Variants in BORCS8 observed in about 807,000 individuals in gnomAD.
BORCS8 encodes the protein BLOC-1 related complex subunit 8.
A neutral mutation model predicts 18.7 loss-of-function variants in BORCS8; 13 were observed. The observed-to-expected ratio is 0.70, with a 90% confidence interval of 0.45 to 1.11. The LOEUF is 1.11. BORCS8 is among the 50% of genes least tolerant of loss of function. The pLI, the probability that BORCS8 is intolerant of heterozygous loss-of-function variation, is 0.00. For synonymous variants in BORCS8, 68 were observed against 64.8 expected (o/e 1.05, Z -0.24); for missense variants, 165 against 165.7 (o/e 1.00, Z 0.02).
intron 1 of BORCS8, among the ~76,000 whole-genome samples, chr19:19,188,131 GT>G (rs1234996095): frequency 6.6e-6 from 1 of 152,012 alleles, no homozygotes; most frequent in Non-Finnish European, 1.5e-5. Context: ...CTGGGTTCAC[GT>G]CATTCTCCCG....
intron 5 of BORCS8, chr19:19,179,722 T>A (rs1230324287): frequency 6.6e-6 from 1 of 152,620 alleles, no homozygotes; most frequent in Non-Finnish European, 1.5e-5. Context: ...GGCACCACAC[T>A]CTCTAAGCGT....
chr19:19,184,685 A>T (rs1201586711), intron 3 of BORCS8, among the ~76,000 whole-genome samples: 2 of 152,026 alleles, frequency 1.3e-5, no homozygotes, highest in East Asian at 3.9e-4. Context: ...CTGCAGCCTC[A>T]ACCTCCCAGG....
At chr19:19,184,161 G>A (rs140827142) in intron 3 of BORCS8, among the ~76,000 whole-genome samples, 3 of 152,152 alleles carry the variant, frequency 2.0e-5, no homozygotes, top group East Asian at 1.9e-4. Flanking sequence ...GATTACTGGC[G>A]TGAGTCACTG....
In BORCS8 at chr19:19,180,747, G is replaced by A. The variant is rs1410963400; in HGVS notation, c.341C>T (p.Pro114Leu). 5.2e-6 allele frequency: 8 copies of A among 1,549,852 alleles called. No individual in the cohort carries two copies. The highest frequency in any genetic ancestry group is 2.4e-5 in the East Asian group (1 of 40,890). The change falls in exon 5 of 6, where the codon CCC becomes CTC. Residue 114 changes from proline (P) to leucine (L), a missense_variant. Transcript: ENST00000462790. ...CCAGGATCAGGCTGAGGAGGGCGGG[G>A]GTGGTTCCTCCGGGCTGCAACAAAA... is the stretch of plus-strand genomic sequence containing the variant. The part of the protein sequence containing the change: ...SAQGHSPEEP[P>L]PPSSA
At chr19:19,188,873 T>A (rs746975264) in intron 1 of BORCS8, among the ~76,000 whole-genome samples, 9 of 152,022 alleles carry the variant, frequency 5.9e-5, no homozygotes, top group Non-Finnish European at 1.2e-4. Context: ...CTTGCTCTGT[T>A]GTCCAGGCTG....
chr19:19,183,297 C>G (rs954665779), intron 3 of BORCS8, among the ~76,000 whole-genome samples: 11 of 151,944 alleles, frequency 7.2e-5, no homozygotes, highest in African/African-American at 2.7e-4. Context: ...GTAGTCCCAG[C>G]TACTCGGGAG....
Position 19,187,015 on chromosome 19 carries a change from G to A in BORCS8, c.38-10C>T, listed in dbSNP as rs779942971. The A allele has an allele frequency of 6.5e-7, 1 of 1,546,768 alleles. No individual in the cohort carries two copies. Among genetic ancestry groups the A allele is most frequent in the South Asian group, 1.2e-5 (1 of 83,840 alleles). ...GTGAACTTGTCCGTGACTAGATACA[G>A]GTGGTAGGGATGGGGCGGGTGTGGG... On this transcript the variant is annotated splice_polypyrimidine_tract_variant and intron_variant, in intron 1 of 5. Transcript: ENST00000462790.
At chr19:19,189,009 A>G (rs1368409072) in intron 1 of BORCS8, among the ~76,000 whole-genome samples, 2 of 151,616 alleles carry the variant, frequency 1.3e-5, no homozygotes, top group Non-Finnish European at 2.9e-5. Context: ...TAATTTTTGT[A>G]TTTTTATTTG....
intron 1 of BORCS8, among the ~76,000 whole-genome samples, chr19:19,191,724 C>T (rs2060481689): frequency 1.3e-5 from 2 of 151,988 alleles, no homozygotes; most frequent in Non-Finnish European, 2.9e-5. Context: ...GGACCACAGG[C>T]GTGCGCCACC....
chr19:19,187,543 C>CTT (rs906880296), intron 1 of BORCS8, among the ~76,000 whole-genome samples: 5 of 140,542 alleles, frequency 3.6e-5, no homozygotes, highest in Non-Finnish European at 6.2e-5. Flanking sequence ...GAGTAAACTT[C>CTT]TTTTTTTTTT....
intron 4 of BORCS8, among the ~76,000 whole-genome samples, chr19:19,181,046 T>C (rs143179762): frequency 0.033 from 5,067 of 151,558 alleles, 134 homozygotes; most frequent in East Asian, 0.09. Flanking sequence ...AATACAAAAA[T>C]TAGCCAGGTG....
chr19:19,191,962 T>C, intron 1 of BORCS8, 119 bp downstream of exon 1: 2 of 1,219,902 alleles, frequency 1.6e-6, no homozygotes, highest in Non-Finnish European at 2.3e-6. Context: ...GCGGCAGAGC[T>C]GGGATTGGAC....
chr19:19,189,314 T>C (rs1458037351), intron 1 of BORCS8, among the ~76,000 whole-genome samples: 1 of 152,092 alleles, frequency 6.6e-6, no homozygotes, highest in East Asian at 1.9e-4. Context: ...GGCACGGCCA[T>C]CTCCTGCCTG....
At position 19,185,967 on chromosome 19, in the gene BORCS8, C is replaced by T. The variant is rs748975923; in HGVS notation, c.215+67G>A. On this transcript the variant is annotated intron_variant, in intron 3 of 5. Transcript: ENST00000462790. ...GCTTACTGGGCAGTTGGCTGGGATG[C>T]CCCTGAATGCCCAGGAGGCCAGAGC... 3.4e-6 allele frequency: 5 copies of T among 1,484,974 alleles called. No homozygotes were observed. The Admixed American group carries it at 5.9e-5, about 18-fold the overall frequency. 92.0% of individuals were successfully genotyped at this position (1,484,974 alleles called of 1,614,324 possible). A position where few individuals can be genotyped will look rare whatever the true frequency, so the allele number is the denominator to read the frequency against.
chr19:19,187,825 C>T (rs1055498569), intron 1 of BORCS8, among the ~76,000 whole-genome samples: 3 of 151,224 alleles, frequency 2.0e-5, no homozygotes, highest in Non-Finnish European at 2.9e-5. Flanking sequence ...GCTTGAGCCA[C>T]CGCGCCTGGC....
At chr19:19,192,052 C>A in intron 1 of BORCS8, 29 bp downstream of exon 1, 1 of 1,551,266 alleles carries the variant, frequency 6.4e-7, no homozygotes, top group Non-Finnish European at 8.7e-7. Flanking sequence ...TTACCGGCCC[C>A]CTCTGTCCCG....
At position 19,177,679 on chromosome 19, in the gene BORCS8, AGGAAGGAAG is replaced by A. The variant is rs761534567; in HGVS notation, c.*43-228_*43-220del. Reference sequence around the variant, plus strand: ...AAGGAAGGAAGGAAGGAAGGAAGGAAGGAAGGAAGGAAGGAAGAGAAAAGAAAAGAAAAG... The same window carrying A: ...AAGGAAGGAAGGAAGGAAGGAAGGAAGAAGGAAGAGAAAAGAAAAGAAAAG... On this transcript the variant is annotated intron_variant, in intron 5 of 5. Transcript: ENST00000462790. The A allele has an allele frequency of 1.2e-3, 108 of 91,530 alleles. 3 individuals are homozygous for A. The highest frequency in any genetic ancestry group is 4.4e-3 in the Middle Eastern group (1 of 228). The allele number at this position is 91,530 out of a possible 1,614,324, so 5.7% of individuals were successfully genotyped here.
At chr19:19,190,911 A>C (rs1389997809) in intron 1 of BORCS8, among the ~76,000 whole-genome samples, 1 of 152,168 alleles carries the variant, frequency 6.6e-6, no homozygotes, top group Non-Finnish European at 1.5e-5. Context: ...CCGTGGATGG[A>C]AAATAGGAAA....
chr19:19,190,666 T>C (rs2060459138), intron 1 of BORCS8, among the ~76,000 whole-genome samples: 1 of 152,072 alleles, frequency 6.6e-6, no homozygotes, highest in Non-Finnish European at 1.5e-5. Flanking sequence ...TGCATGCCTG[T>C]AATCCCAGCT....
Sources: allele counts gnomAD v4.1 joint callset (sites outside exome capture counted in the v4.1 genomes callset), GRCh38; gene constraint gnomAD v4.1.1; transcripts MANE v1.5; gene names NCBI Gene and HGNC (gene_info 2026-07-23, HGNC 2026-07-21).